DNER: variants seen among roughly 807,000 people sequenced by gnomAD.
DNER encodes delta and Notch-like epidermal growth factor-related receptor.
In DNER, 33 loss-of-function variants were observed where a neutral mutation model predicts 78.2. The observed-to-expected ratio is 0.42, with a 90% CI of 0.32 to 0.56. DNER has a LOEUF of 0.56. DNER is among the 20% of genes least tolerant of loss of function. The probability of loss-of-function intolerance (pLI) is 0.11; values close to 1 mark genes in which losing one functional copy is unlikely to be tolerated. For synonymous variants in DNER, 417 were observed against 384.8 expected (o/e 1.08, Z -0.98); for missense variants, 918 against 975.3 (o/e 0.94, Z 0.78).
At chr2:229,675,218 G>A (rs1384583269) in intron 1 of DNER, among the ~76,000 whole-genome samples, 1 of 152,214 alleles carries the variant, frequency 6.6e-6, no homozygotes, top group Non-Finnish European at 1.5e-5. Context: ...CCAAAAGCCT[G>A]TGGAAGGGGC....
chr2:229,483,834 CTTCGCTCTTAT>C (rs1695217068), intron 6 of DNER, among the ~76,000 whole-genome samples: 1 of 152,130 alleles, frequency 6.6e-6, no homozygotes, highest in Non-Finnish European at 1.5e-5. Flanking sequence ...TATTCTAAAA[CTTCGCTCTTAT>C]TTCTACTTGA....
intron 1 of DNER, among the ~76,000 whole-genome samples, chr2:229,650,512 C>T (rs1416058664): frequency 6.6e-6 from 1 of 152,122 alleles, no homozygotes; most frequent in Non-Finnish European, 1.5e-5. Context: ...AGAGTCAGAC[C>T]CTCTTGAGAG....
chr2:229,510,808 T>C (rs1695851691), intron 6 of DNER, among the ~76,000 whole-genome samples: 1 of 152,218 alleles, frequency 6.6e-6, no homozygotes, highest in Non-Finnish European at 1.5e-5. Context: ...GGGGACACCA[T>C]GTAACTGTTC....
At chr2:229,638,753 T>A (rs1698567794) in intron 1 of DNER, among the ~76,000 whole-genome samples, 1 of 152,226 alleles carries the variant, frequency 6.6e-6, no homozygotes, top group African/African-American at 2.4e-5. Context: ...ATAAAAATAT[T>A]ACTTAGAATT....
intron 1 of DNER, among the ~76,000 whole-genome samples, chr2:229,664,109 T>A (rs1198495722): frequency 6.6e-6 from 1 of 152,224 alleles, no homozygotes; most frequent in Non-Finnish European, 1.5e-5. Flanking sequence ...ATTTTGTGAA[T>A]CCTGTAATTC....
intron 5 of DNER, among the ~76,000 whole-genome samples, chr2:229,544,602 G>A (rs28410589): frequency 0.019 from 2,841 of 149,674 alleles, 51 homozygotes; most frequent in Non-Finnish European, 0.031. Flanking sequence ...GCACAATCTT[G>A]GCTCACTGCA....
chr2:229,399,798 T>C (rs1693229303), intron 10 of DNER, among the ~76,000 whole-genome samples: 2 of 152,162 alleles, frequency 1.3e-5, no homozygotes, highest in South Asian at 4.1e-4. Context: ...CAGCTAATGA[T>C]GCTTGAAAAA....
intron 1 of DNER, among the ~76,000 whole-genome samples, chr2:229,636,232 G>T (rs555813911): frequency 6.6e-6 from 1 of 152,328 alleles, no homozygotes; most frequent in African/African-American, 2.4e-5. Context: ...CCAATGCACA[G>T]TTCTCCTCAC....
At chr2:229,578,359 G>A (rs1452702859) in intron 4 of DNER, among the ~76,000 whole-genome samples, 1 of 152,208 alleles carries the variant, frequency 6.6e-6, no homozygotes, top group East Asian at 1.9e-4. Context: ...CAGGAGGGCA[G>A]CTAGGGAGTG....
chr2:229,603,088 T>C (rs1426136821), intron 1 of DNER, among the ~76,000 whole-genome samples: 1 of 152,094 alleles, frequency 6.6e-6, no homozygotes, highest in Non-Finnish European at 1.5e-5. Context: ...ACTTCTAGAA[T>C]AGAGTCTTTT....
rs548585351 is a variant in DNER at position 229,671,813 on chromosome 2, G to A, written c.276+42335C>T. On this transcript the variant is annotated intron_variant, in intron 1 of 12. Transcript: ENST00000341772. Reference sequence around the variant, plus strand: ...ACATATGCTTCATGGTCTATTATTCGTGGGGGCAGTAAACGGATGCTTCAT... The same window carrying A: ...ACATATGCTTCATGGTCTATTATTCATGGGGGCAGTAAACGGATGCTTCAT... Among the ~76,000 whole-genome samples, 67 of 152,278 alleles carry A rather than the reference G, an allele frequency of 4.4e-4. No homozygotes were observed. The South Asian group carries it at 0.012, about 27-fold the overall frequency.
intron 10 of DNER, among the ~76,000 whole-genome samples, chr2:229,388,940 C>T (rs1041589948): frequency 6.6e-6 from 1 of 151,976 alleles, no homozygotes; most frequent in African/African-American, 2.4e-5. Context: ...CTGGATAGTT[C>T]TAGGACATAG....
intron 8 of DNER, among the ~76,000 whole-genome samples, chr2:229,423,475 C>T (rs553044800): frequency 1.3e-4 from 19 of 151,882 alleles, no homozygotes; most frequent in African/African-American, 4.3e-4. Flanking sequence ...AGTAGCCAGG[C>T]GTGGTGGTGG....
intron 11 of DNER, among the ~76,000 whole-genome samples, chr2:229,368,568 T>A (rs1042850662): frequency 2.0e-5 from 3 of 152,208 alleles, no homozygotes; most frequent in Non-Finnish European, 4.4e-5. Flanking sequence ...GACAGTACAA[T>A]AATTTCACAA....
intron 8 of DNER, among the ~76,000 whole-genome samples, chr2:229,429,213 T>C (rs1381245799): frequency 6.6e-6 from 1 of 152,216 alleles, no homozygotes. Flanking sequence ...ATATTCTTGC[T>C]TCCCTTATTA....
intron 8 of DNER, among the ~76,000 whole-genome samples, chr2:229,440,467 C>T (rs1400417920): frequency 3.9e-5 from 6 of 152,128 alleles, no homozygotes; most frequent in African/African-American, 9.7e-5. Flanking sequence ...GGCTCCTCTG[C>T]CCTCTCCTGT....
At chr2:229,511,247 T>C (rs1695858827) in intron 6 of DNER, among the ~76,000 whole-genome samples, 1 of 152,124 alleles carries the variant, frequency 6.6e-6, no homozygotes, top group African/African-American at 2.4e-5. Context: ...GAGAATGGGA[T>C]GGAAAGAGAA....
chr2:229,373,645 T>A (rs900673526), intron 11 of DNER, among the ~76,000 whole-genome samples: 5 of 152,204 alleles, frequency 3.3e-5, no homozygotes, highest in African/African-American at 1.2e-4. Flanking sequence ...GCACGTTCAC[T>A]GCAGCACTAT....
At chr2:229,549,685 G>A (rs992119213) in intron 4 of DNER, among the ~76,000 whole-genome samples, 5 of 152,118 alleles carry the variant, frequency 3.3e-5, no homozygotes, top group South Asian at 4.1e-4. Context: ...GCAGAAGCGC[G>A]TGGATCATGA....
Sources: allele counts gnomAD v4.1 joint callset (sites outside exome capture counted in the v4.1 genomes callset), GRCh38; gene constraint gnomAD v4.1.1; transcripts MANE v1.5; gene names NCBI Gene and HGNC (gene_info 2026-07-23, HGNC 2026-07-21).